ADAP2: variants seen among roughly 807,000 people sequenced by gnomAD.
ADAP2 encodes the protein arf-GAP with dual PH domain-containing protein 2.
A neutral mutation model predicts 54.9 loss-of-function variants in ADAP2; 42 were observed. The ratio of observed to expected loss-of-function variants is 0.77; its 90% CI spans 0.60 to 0.99. The LOEUF (loss-of-function observed/expected upper bound fraction) is 0.99. Ranked by LOEUF, ADAP2 falls within the 50% of genes least tolerant of loss-of-function variation. ADAP2 has a pLI of 0.00. For synonymous variants in ADAP2, 177 were observed against 180.1 expected (o/e 0.98, Z 0.14); for missense variants, 429 against 480.4 (o/e 0.89, Z 1.00).
At chr17:30,926,630 G>T (rs1036243489) in intron 2 of ADAP2, among the ~76,000 whole-genome samples, 197 bp from the exon 3 acceptor site, 1 of 152,172 alleles carries the variant, frequency 6.6e-6, no homozygotes, top group Non-Finnish European at 1.5e-5. Context: ...GGAGTCCTGT[G>T]CCCATATGAG....
intron 7 of ADAP2, 108 bp from the exon 8 acceptor site, chr17:30,953,180 G>A (rs769522049): frequency 9.8e-6 from 9 of 922,336 alleles, no homozygotes; most frequent in East Asian, 2.4e-5. Context: ...AGCCATGAGC[G>A]TACATCCTTC....
At chr17:30,930,342 G>A (rs1855472999) in intron 3 of ADAP2, among the ~76,000 whole-genome samples, 1 of 152,112 alleles carries the variant, frequency 6.6e-6, no homozygotes, top group Admixed American at 6.6e-5. Context: ...AAAGTGCTAG[G>A]ATTACAAGTG....
At chr17:30,931,085 G>A (rs1236975516) in intron 3 of ADAP2, among the ~76,000 whole-genome samples, 1 of 152,116 alleles carries the variant, frequency 6.6e-6, no homozygotes, top group Non-Finnish European at 1.5e-5. Context: ...GTCCAGTGTA[G>A]CCTGCCCAGA....
rs1567716358 is a variant in ADAP2, at chr17:30,931,881, C to T, written c.318-8C>T. ...AAACGCAGCTGACCTCAGGCTCTCT[C>T]TTTTTAGGGTCTTAAAGGAACAATG... On this transcript the variant is annotated splice_region_variant and splice_polypyrimidine_tract_variant and intron_variant, in intron 3 of 10. Transcript: ENST00000330889. 3 of 1,606,824 alleles carry T rather than the reference C, an allele frequency of 1.9e-6. No homozygotes were observed. Among genetic ancestry groups the T allele is most frequent in the Non-Finnish European group, 2.6e-6 (3 of 1,175,650 alleles).
Position 30,923,073 on chromosome 17 carries a change from A to T in ADAP2, c.225+3A>T, listed in dbSNP as rs566058284. On this transcript the variant is annotated splice_donor_region_variant and intron_variant, in intron 2 of 10. Transcript: ENST00000330889. ...TCTGGGACGACAGTATTGTGGAGGT[A>T]GAAAGGCATGCCCGTGGAGAGCCAT... The T allele has an allele frequency of 6.2e-7, 1 of 1,613,498 alleles. No individual in the cohort carries two copies. Among genetic ancestry groups the T allele is most frequent in the Non-Finnish European group, 8.5e-7 (1 of 1,179,886 alleles).
At chr17:30,929,328 G>GA (rs1911307242) in intron 3 of ADAP2, among the ~76,000 whole-genome samples, 1 of 152,214 alleles carries the variant, frequency 6.6e-6, no homozygotes, top group South Asian at 2.1e-4. Flanking sequence ...GTCTGCTTCA[G>GA]AATGCTACCT....
chr17:30,934,142 TA>T (rs758304570), intron 4 of ADAP2, 42 bp from the exon 5 acceptor site: 1 of 1,517,568 alleles, frequency 6.6e-7, no homozygotes, highest in East Asian at 2.3e-5. Context: ...CTTGTGATCT[TA>T]AGGTCACGTG....
chr17:30,951,490 C>A (rs1337149690), intron 7 of ADAP2, among the ~76,000 whole-genome samples: 1 of 151,912 alleles, frequency 6.6e-6, no homozygotes, highest in African/African-American at 2.4e-5. Context: ...TTGTTTCTTA[C>A]ATTAAAAATT....
chr17:30,939,040 T>G (rs1253567605), intron 5 of ADAP2, among the ~76,000 whole-genome samples: 2 of 152,294 alleles, frequency 1.3e-5, no homozygotes, highest in Non-Finnish European at 2.9e-5. Context: ...TGTTAAGGGA[T>G]GAAGAATCTT....
intron 9 of ADAP2, 87 bp downstream of exon 9, chr17:30,954,642 A>T: frequency 8.8e-7 from 1 of 1,140,886 alleles, no homozygotes; most frequent in Non-Finnish European, 1.3e-6. Flanking sequence ...GCTACAGATA[A>T]ACACATCTCC....
intron 6 of ADAP2, among the ~76,000 whole-genome samples, chr17:30,945,519 A>G (rs961297849): frequency 2.0e-5 from 3 of 152,134 alleles, no homozygotes; most frequent in African/African-American, 7.2e-5. Context: ...TGGGAAGCCA[A>G]GGCAGGTGGA....
intron 10 of ADAP2, 49 bp from the exon 11 acceptor site, chr17:30,957,786 A>G (rs549774416): frequency 4.6e-5 from 73 of 1,599,416 alleles, no homozygotes; most frequent in Middle Eastern, 1.7e-4. Context: ...CCTCCACAGG[A>G]CAGCATTGGC....
Position 30,948,829 on chromosome 17 carries a change from G to A in ADAP2, c.658-458G>A, listed in dbSNP as rs183214562. 2.3e-3 allele frequency among the ~76,000 whole-genome samples: 347 copies of A among 152,316 alleles called. 3 individuals are homozygous for A. Among genetic ancestry groups the A allele is most frequent in the Non-Finnish European group, 2.4e-4 (16 of 68,030 alleles). On this transcript the variant is annotated intron_variant, in intron 6 of 10. Transcript: ENST00000330889. Reference sequence around the variant, plus strand: ...CCAAATGCCAATCTTTGACATCTGAGGACAATGATTTCCTAGAGCCTTGCT... The same window carrying A: ...CCAAATGCCAATCTTTGACATCTGAAGACAATGATTTCCTAGAGCCTTGCT...
chr17:30,927,317 AAT>A (rs1411505334), intron 3 of ADAP2, among the ~76,000 whole-genome samples: 1 of 152,082 alleles, frequency 6.6e-6, no homozygotes, highest in East Asian at 1.9e-4. Flanking sequence ...CCTTTAGAGA[AAT>A]ATGTCTAGAG....
chr17:30,945,029 G>A lies in ADAP2; in HGVS notation c.633G>A (p.Leu211=). The part of the protein sequence containing the change: ...TYRRDGHTRN[L]FVYHESGKEI... ...GGAGAGATGGCCACACCAGGAACCT[G>A]TTTGTGTATCATGAAAGTGGGAAGG... Residue 211 remains leucine, a synonymous_variant, in exon 6 of 11, where the codon CTG becomes CTA. Transcript: ENST00000330889. The A allele has an allele frequency of 6.2e-7, 1 of 1,614,042 alleles. No homozygotes were observed. Among genetic ancestry groups the A allele is most frequent in the Non-Finnish European group, 8.5e-7 (1 of 1,180,004 alleles).
chr17:30,930,008 T>C (rs1911353836), intron 3 of ADAP2, among the ~76,000 whole-genome samples: 1 of 150,776 alleles, frequency 6.6e-6, no homozygotes, highest in African/African-American at 2.4e-5. Flanking sequence ...TGAGTTACCA[T>C]GCCCAGCCTG....
rs187072676 is a variant in ADAP2, at chr17:30,924,132, G to C, written c.225+1062G>C. Among the ~76,000 whole-genome samples, 382 of 152,258 alleles carry C rather than the reference G, an allele frequency of 2.5e-3. 4 individuals carry two copies. The highest frequency in any genetic ancestry group is 8.9e-3 in the African/African-American group (368 of 41,548). On this transcript the variant is annotated intron_variant, in intron 2 of 10. Coordinates refer to ENST00000330889, the MANE Select transcript of ADAP2 (RefSeq NM_018404.3). ...TCACACCTATAATCCCAGCACTTTGGGGGGCTGAGGCTGGTGGATTGCTTG... is the reference window on the plus strand; with the variant it reads ...TCACACCTATAATCCCAGCACTTTGCGGGGCTGAGGCTGGTGGATTGCTTG...
intron 6 of ADAP2, among the ~76,000 whole-genome samples, chr17:30,945,848 TAAA>T (rs60763338): frequency 1.2e-4 from 14 of 117,874 alleles, no homozygotes; most frequent in Admixed American, 2.7e-4. Context: ...GAAACTGCAT[TAAA>T]AAAAAAAAAA....
At chr17:30,938,560 G>T (rs986989248) in intron 5 of ADAP2, among the ~76,000 whole-genome samples, 10 of 152,180 alleles carry the variant, frequency 6.6e-5, no homozygotes, top group African/African-American at 2.2e-4. Context: ...ACCCCATTGA[G>T]CCCTGGGGCA....
Sources: allele counts gnomAD v4.1 joint callset (sites outside exome capture counted in the v4.1 genomes callset), GRCh38; gene constraint gnomAD v4.1.1; transcripts MANE v1.5; gene names NCBI Gene and HGNC (gene_info 2026-07-23, HGNC 2026-07-21).